Variants in DUSP22 observed in about 807,000 individuals in gnomAD.
DUSP22 encodes the protein dual specificity protein phosphatase 22.
DUSP22 carries 24 observed loss-of-function variants against 24.5 expected under a neutral mutation model. The ratio of observed to expected loss-of-function variants is 0.98; its 90% confidence interval spans 0.71 to 1.38. The LOEUF (loss-of-function observed/expected upper bound fraction) is 1.38. Ranked by LOEUF, DUSP22 falls within the 40% of genes most tolerant of loss-of-function variation. The probability of loss-of-function intolerance (pLI) is 0.00; values close to 1 mark genes in which losing one functional copy is unlikely to be tolerated. For missense variants in DUSP22, 330 were observed against 269.2 expected (o/e 1.23, Z -1.58); for synonymous variants, 160 against 106.4 (o/e 1.50, Z -3.10).
At chr6:316,208 A>G (rs1368053808) in intron 3 of DUSP22, among the ~76,000 whole-genome samples, 1 of 152,302 alleles carries the variant, frequency 6.6e-6, no homozygotes, top group Non-Finnish European at 1.5e-5. Flanking sequence ...TGGCAGGGCC[A>G]GGGCTGGAAC....
At chr6:300,771 G>A in intron 1 of DUSP22, among the ~76,000 whole-genome samples, 1 of 152,408 alleles carries the variant, frequency 6.6e-6, no homozygotes, top group South Asian at 2.1e-4. Context: ...ATTTTTCCAG[G>A]TTGAAAGCCC....
rs1758499562 is a variant in DUSP22, at chr6:319,625, A to G, written c.138+7663A>G. Among the ~76,000 whole-genome samples, 4 of 152,420 alleles carry G rather than the reference A, an allele frequency of 2.6e-5. No individual in the cohort carries two copies. The South Asian group carries it at 6.2e-4, about 24-fold the overall frequency. On this transcript the variant is annotated intron_variant, in intron 3 of 6. Coordinates refer to ENST00000419235, the MANE Select transcript of DUSP22 (RefSeq NM_001286555.3). ...GCAAGATTTCCCATTTGCGTTGGCC[A>G]TTGTTTCCAGCGTGGGTGAATTCAG... is the stretch of plus-strand genomic sequence containing the variant.
intron 3 of DUSP22, among the ~76,000 whole-genome samples, chr6:331,774 T>C (rs1203986360): frequency 6.6e-6 from 1 of 152,310 alleles, no homozygotes; most frequent in Non-Finnish European, 1.5e-5. Context: ...CTTTTCATGC[T>C]TTGTTAATAA....
Position 307,168 on chromosome 6 carries a change from C to A in DUSP22, c.55+2507C>A, listed in dbSNP as rs548055356. Among the ~76,000 whole-genome samples the A allele has an allele frequency of 1.5e-4, 23 of 152,416 alleles. No individual in the cohort carries two copies. The East Asian group carries it at 3.7e-3, about 24-fold the overall frequency. ...CCTGGCATCTCATATAGTCATTTATCCTGCTCTTTTAAAATTACGAGTAAT... is the reference window on the plus strand; with the variant it reads ...CCTGGCATCTCATATAGTCATTTATACTGCTCTTTTAAAATTACGAGTAAT... On this transcript the variant is annotated intron_variant, in intron 2 of 6. Coordinates refer to ENST00000419235, the MANE Select transcript of DUSP22 (RefSeq NM_001286555.3).
intron 3 of DUSP22, among the ~76,000 whole-genome samples, chr6:314,619 C>T (rs1758260592): frequency 6.6e-6 from 1 of 152,308 alleles, no homozygotes; most frequent in Non-Finnish European, 1.5e-5. Context: ...AAACTTAGCA[C>T]ACTTTATTCC....
intron 4 of DUSP22, among the ~76,000 whole-genome samples, chr6:343,461 A>G (rs539132025): frequency 6.6e-6 from 1 of 152,208 alleles, no homozygotes; most frequent in Non-Finnish European, 1.5e-5. Context: ...GTGGCCCCCC[A>G]AGGGTGCCAA....
intron 4 of DUSP22, among the ~76,000 whole-genome samples, chr6:345,634 G>A (rs546753951): frequency 0.015 from 2,230 of 151,638 alleles, no homozygotes; most frequent in Non-Finnish European, 0.018. Context: ...AATGTTTAAA[G>A]TGATTAAGCA....
At chr6:333,355 TCTC>T (rs376086652) in intron 3 of DUSP22, among the ~76,000 whole-genome samples, 139 of 152,344 alleles carry the variant, frequency 9.1e-4, no homozygotes, top group African/African-American at 3.2e-3. Context: ...ATAAAGTTCA[TCTC>T]CTTCAAGACC....
intron 4 of DUSP22, among the ~76,000 whole-genome samples, chr6:343,107 T>C (rs1333605126): frequency 1.3e-5 from 2 of 152,310 alleles, no homozygotes; most frequent in East Asian, 1.9e-4. Context: ...TCGGCACTGA[T>C]ACCTTAGATT....
At chr6:318,950 C>T (rs1024764881) in intron 3 of DUSP22, among the ~76,000 whole-genome samples, 1 of 152,294 alleles carries the variant, frequency 6.6e-6, no homozygotes, top group African/African-American at 2.4e-5. Context: ...AGGATGATAC[C>T]CATCATATAA....
At chr6:292,690 G>A (rs1757144062) in intron 1 of DUSP22, 130 bp downstream of exon 1, 2 of 1,329,418 alleles carry the variant, frequency 1.5e-6, no homozygotes, top group Non-Finnish European at 2.0e-6. Context: ...CGGAGGGAGG[G>A]GCGGCGCGCC....
At chr6:307,299 C>A (rs868693269) in intron 2 of DUSP22, among the ~76,000 whole-genome samples, 1 of 152,288 alleles carries the variant, frequency 6.6e-6, no homozygotes, top group African/African-American at 2.4e-5. Context: ...TTCCCCTTCC[C>A]GTTTCCTTTC....
chr6:312,880 T>C (rs1250815741), intron 3 of DUSP22, among the ~76,000 whole-genome samples: 1 of 152,280 alleles, frequency 6.6e-6, no homozygotes, highest in Non-Finnish European at 1.5e-5. Context: ...AACATTGTAG[T>C]ACCAGAGAAT....
At chr6:330,636 A>G in intron 3 of DUSP22, among the ~76,000 whole-genome samples, 1 of 152,302 alleles carries the variant, frequency 6.6e-6, no homozygotes, top group Non-Finnish European at 1.5e-5. Context: ...TGGTTACTAT[A>G]CTTGTTGAAA....
chr6:338,304 C>G (rs935039707), intron 4 of DUSP22, among the ~76,000 whole-genome samples: 5 of 152,298 alleles, frequency 3.3e-5, no homozygotes, highest in Non-Finnish European at 2.9e-5. Context: ...AAGAGGCAGG[C>G]GATGAAATAG....
Position 350,909 on chromosome 6 carries a change from T to G in DUSP22, c.*1958T>G, listed in dbSNP as rs760777806. ...TGAAATATTGCAAACCCACAGAGTT[T>G]AGGCTGGTGCTGCCAAAAAGAAAAG... On this transcript the variant is annotated 3_prime_UTR_variant, in exon 7 of 7. Transcript: ENST00000419235. The G allele has an allele frequency of 1.9e-6, 3 of 1,612,572 alleles. No homozygotes were observed. In the African/African-American group the frequency reaches 4.0e-5, roughly 22 times the overall value.
chr6:303,545 C>T (rs1477895058), intron 1 of DUSP22, among the ~76,000 whole-genome samples: 1 of 152,304 alleles, frequency 6.6e-6, no homozygotes, highest in African/African-American at 2.4e-5. Flanking sequence ...TGGACTTCCT[C>T]AGTGGGAGTG....
At chr6:317,384 A>G (rs1758382166) in intron 3 of DUSP22, among the ~76,000 whole-genome samples, 1 of 152,304 alleles carries the variant, frequency 6.6e-6, no homozygotes, top group Admixed American at 6.5e-5. Context: ...AAAGCAAGCC[A>G]GAAGCAAGAT....
intron 3 of DUSP22, among the ~76,000 whole-genome samples, chr6:330,598 C>G (rs898787060): frequency 3.3e-5 from 5 of 152,308 alleles, no homozygotes. Context: ...GTTTCAGGCC[C>G]AAAGAAAGGT....
Sources: allele counts gnomAD v4.1 joint callset (sites outside exome capture counted in the v4.1 genomes callset), GRCh38; gene constraint gnomAD v4.1.1; transcripts MANE v1.5; gene names NCBI Gene and HGNC (gene_info 2026-07-23, HGNC 2026-07-21).